Variants in PPP2R2C observed in about 807,000 individuals in gnomAD.
PPP2R2C encodes protein phosphatase 2 regulatory subunit Bgamma, also known as protein phosphatase 2, regulatory subunit B, gamma.
In PPP2R2C, 10 loss-of-function variants were observed where a neutral mutation model predicts 45.3. The ratio of observed to expected loss-of-function variants is 0.22; its 90% CI spans 0.14 to 0.37. PPP2R2C has a LOEUF of 0.37. Among genes scored for constraint, PPP2R2C ranks in the 10% least tolerant of loss-of-function variants. The pLI, the probability that PPP2R2C is intolerant of heterozygous loss-of-function variation, is 1.00. For synonymous variants in PPP2R2C, 257 were observed against 245.4 expected, an observed-to-expected ratio of 1.05 and a Z score of -0.44; for missense variants, 308 against 619.7, an observed-to-expected ratio of 0.50 and a Z score of 5.34.
At chr4:6,561,475 G>A (rs557811729) in intron 1 of PPP2R2C, among the ~76,000 whole-genome samples, 1 of 152,274 alleles carries the variant, frequency 6.6e-6, no homozygotes, top group East Asian at 1.9e-4. Context: ...AAGGAGGTGG[G>A]GGGAGGGGGA....
intron 5 of PPP2R2C, among the ~76,000 whole-genome samples, chr4:6,358,163 G>C (rs1451237209): frequency 3.3e-5 from 5 of 151,940 alleles, no homozygotes; most frequent in East Asian, 3.9e-4. Context: ...ACAGAACAGA[G>C]GCCTCAGAAA....
Position 6,383,511 on chromosome 4 carries a change from G to T in PPP2R2C, c.71-2417C>A. On this transcript the variant is annotated intron_variant, in intron 1 of 8. Coordinates refer to ENST00000382599, the MANE Select transcript of PPP2R2C (RefSeq NM_020416.4). ...CTGGCCACCTGCTGTCCCAAGACCT[G>T]CTCTCTCGGCCTGCAGTGGCTTTCC... 2.8e-6 allele frequency: 3 copies of T among 1,054,504 alleles called. No homozygotes were observed. The South Asian group carries it at 4.0e-5, about 14-fold the overall frequency. 65.3% of individuals were successfully genotyped at this position (1,054,504 alleles called of 1,614,324 possible).
intron 1 of PPP2R2C, among the ~76,000 whole-genome samples, chr4:6,545,673 A>G (rs1234179949): frequency 6.6e-6 from 1 of 152,214 alleles, no homozygotes; most frequent in African/African-American, 2.4e-5. Flanking sequence ...ATCTCTGAGC[A>G]ACCCTCTTTT....
intron 2 of PPP2R2C, among the ~76,000 whole-genome samples, chr4:6,492,526 G>A (rs1213548567): frequency 6.6e-6 from 1 of 152,202 alleles, no homozygotes; most frequent in African/African-American, 2.4e-5. Context: ...GTGAAAGTCA[G>A]TGGCCCCACG....
chr4:6,400,357 A>AC (rs1717335220), intron 1 of PPP2R2C, among the ~76,000 whole-genome samples: 1 of 152,044 alleles, frequency 6.6e-6, no homozygotes, highest in Admixed American at 6.5e-5. Context: ...TTCCAAAAAA[A>AC]ATATTATTTA....
At chr4:6,511,243 GTGATGCTGATGCTGATGCTGATGC>G (rs79894855) in intron 2 of PPP2R2C, among the ~76,000 whole-genome samples, 14 of 144,406 alleles carry the variant, frequency 9.7e-5, no homozygotes, top group African/African-American at 2.7e-4. Flanking sequence ...CGTTCCGCTG[GTGATGCTGATGCTGATGCTGATGC>G]TGATGCTGAT....
At chr4:6,518,336 A>G (rs1215945679) in intron 2 of PPP2R2C, among the ~76,000 whole-genome samples, 2 of 152,216 alleles carry the variant, frequency 1.3e-5, no homozygotes, top group African/African-American at 4.8e-5. Context: ...ACAAGAAATC[A>G]ACAGAGAAAA....
In PPP2R2C at chr4:6,328,428, A is replaced by G. The variant is rs1732127473; in HGVS notation, c.1052+834T>C. Among the ~76,000 whole-genome samples, 1 of 152,190 alleles carries G rather than the reference A, an allele frequency of 6.6e-6. No individual in the cohort carries two copies. Among genetic ancestry groups the G allele is most frequent in the Non-Finnish European group, 1.5e-5 (1 of 68,030 alleles). On this transcript the variant is annotated intron_variant, in intron 8 of 8. Transcript: ENST00000382599. This position sits in a 1 kb window ranked among gnomAD's most constrained non-coding sequence, Gnocchi z 4.4. ...CAGCTTCTGAGATCGAAACTCACAG[A>G]TGGAGAGTAGGCTTGTCCATTTCAG...
At chr4:6,403,240 G>C (rs1358653514) in intron 1 of PPP2R2C, among the ~76,000 whole-genome samples, 1 of 152,204 alleles carries the variant, frequency 6.6e-6, no homozygotes, top group East Asian at 1.9e-4. Context: ...ATTCTCATCT[G>C]GCTGAAATGG....
At chr4:6,552,807 T>C (rs1725227582) in intron 1 of PPP2R2C, among the ~76,000 whole-genome samples, 1 of 152,164 alleles carries the variant, frequency 6.6e-6, no homozygotes, top group Non-Finnish European at 1.5e-5. Flanking sequence ...CCTGCAAAAG[T>C]GGACTTTATT....
intron 5 of PPP2R2C, chr4:6,348,749 T>C (rs985694463): frequency 3.1e-6 from 3 of 956,044 alleles, no homozygotes; most frequent in East Asian, 2.3e-4. Context: ...CCCTGGAGCT[T>C]GAGGGTGGGG....
In PPP2R2C at chr4:6,392,495, C is replaced by T. The variant is rs551447873; in HGVS notation, c.71-11401G>A. Among the ~76,000 whole-genome samples, 9 of 152,196 alleles carry T rather than the reference C, an allele frequency of 5.9e-5. 1 individual carries two copies. Among genetic ancestry groups the T allele is most frequent in the African/African-American group, 1.4e-4 (6 of 41,516 alleles). Reference sequence around the variant, plus strand: ...GCCAGGGAAGACTTCCTGGGGGAGACGCATTTGAGCAGAGACCTGAAGGAT... The same window carrying T: ...GCCAGGGAAGACTTCCTGGGGGAGATGCATTTGAGCAGAGACCTGAAGGAT... On this transcript the variant is annotated intron_variant, in intron 1 of 8. Transcript: ENST00000382599.
chr4:6,338,576 C>G (rs775872678), intron 6 of PPP2R2C, among the ~76,000 whole-genome samples: 2 of 152,130 alleles, frequency 1.3e-5, no homozygotes, highest in Non-Finnish European at 2.9e-5. Flanking sequence ...TTGAAGCCCT[C>G]CTTGGCTCCC....
chr4:6,525,412 GTAAATAAA>G (rs57107907), intron 2 of PPP2R2C, among the ~76,000 whole-genome samples: 1 of 149,286 alleles, frequency 6.7e-6, no homozygotes, highest in Non-Finnish European at 1.5e-5. Context: ...CTCAAAATAA[GTAAATAAA>G]TAAATAAATA....
At chr4:6,403,902 C>G (rs942331245) in intron 1 of PPP2R2C, among the ~76,000 whole-genome samples, 1 of 151,906 alleles carries the variant, frequency 6.6e-6, no homozygotes, top group Non-Finnish European at 1.5e-5. Context: ...CCCCTCCTGC[C>G]TGACAGGGAT....
chr4:6,363,905 A>G (rs1025411829), intron 5 of PPP2R2C, among the ~76,000 whole-genome samples: 6 of 152,216 alleles, frequency 3.9e-5, no homozygotes, highest in Non-Finnish European at 8.8e-5. Flanking sequence ...CAGAAGCCTC[A>G]GTGTCAATGC....
chr4:6,412,621 A>G (rs1050951639), intron 1 of PPP2R2C, among the ~76,000 whole-genome samples: 4 of 152,212 alleles, frequency 2.6e-5, no homozygotes, highest in Admixed American at 1.3e-4. Context: ...GGATGTTACA[A>G]TGTATCTTCT....
intron 2 of PPP2R2C, among the ~76,000 whole-genome samples, chr4:6,509,558 C>G (rs1237518699): frequency 6.6e-6 from 1 of 152,140 alleles, no homozygotes; most frequent in Non-Finnish European, 1.5e-5. Flanking sequence ...CCCAGAAATC[C>G]AACCAAACTA....
intron 1 of PPP2R2C, among the ~76,000 whole-genome samples, chr4:6,549,227 G>A (rs899479531): frequency 2.6e-5 from 4 of 152,084 alleles, no homozygotes; most frequent in African/African-American, 4.8e-5. Flanking sequence ...GCAGACTGAC[G>A]CTGTAAAAAT....
Sources: gnomAD v4.1 joint callset for allele counts (sites outside exome capture counted in the v4.1 genomes callset) on GRCh38, gnomAD v4.1.1 for gene constraint, Gnocchi (gnomAD v3.1) non-coding constraint, MANE v1.5 for transcripts, NCBI Gene and HGNC (gene_info 2026-07-23, HGNC 2026-07-21) for gene names.